The following MROH2B variants were observed in gnomAD, a reference collection of about 807,000 sequenced individuals.
MROH2B encodes the protein maestro heat-like repeat-containing protein family member 2B.
MROH2B carries 177 observed loss-of-function variants against 208.6 expected under a neutral mutation model. The observed-to-expected ratio is 0.85, with a 90% CI of 0.75 to 0.96. The LOEUF is 0.96. Among genes scored for constraint, MROH2B ranks in the 40% least tolerant of loss-of-function variants. MROH2B has a pLI of 0.00. For missense variants in MROH2B, 2,002 were observed against 1,878.7 expected (o/e 1.07, Z -1.21); for synonymous variants, 728 against 659.0 (o/e 1.10, Z -1.60).
intron 24 of MROH2B, among the ~76,000 whole-genome samples, chr5:41,024,944 A>G (rs969064045): frequency 2.0e-5 from 3 of 152,236 alleles, no homozygotes; most frequent in African/African-American, 7.2e-5. Flanking sequence ...TGCTGGGTAC[A>G]TAACGAAATG....
intron 23 of MROH2B, 90 bp from the exon 24 acceptor site, chr5:41,032,911 C>G (rs767937554): frequency 2.0e-5 from 31 of 1,545,120 alleles, no homozygotes; most frequent in Non-Finnish European, 2.7e-5. Context: ...ATTGGGTGCC[C>G]TGGGTCATAA....
At position 41,065,412 on chromosome 5, in the gene MROH2B, C is replaced by T; in HGVS notation, c.280G>A (p.Glu94Lys). ...AAGATCCTGAAGTTACTTTGTACTT[C>T]ATACATCACAGAGTTGAAATCATGT... is the stretch of plus-strand genomic sequence containing the variant. ...AAHDFNSVMY[E>K]VQSNFRILEL... Residue 94 changes from glutamate to lysine, a missense_variant, in exon 4 of 42, where the codon GAA (glutamate) becomes AAA (lysine). Physicochemically the swap from Glu to Lys is moderately conservative, Grantham distance 56. Coordinates refer to ENST00000399564, the MANE Select transcript of MROH2B (RefSeq NM_173489.5). 6.2e-7 allele frequency: 1 copy of T among 1,613,522 alleles called. No individual in the cohort carries two copies. The highest frequency in any genetic ancestry group is 8.5e-7 in the Non-Finnish European group (1 of 1,179,666).
chr5:41,042,092 C>T lies in MROH2B; in HGVS notation c.1953G>A (p.Gln651=). 6.4e-7 allele frequency: 1 copy of T among 1,563,620 alleles called. No individual in the cohort carries two copies. Among genetic ancestry groups the T allele is most frequent in the East Asian group, 2.3e-5 (1 of 43,602 alleles). The change falls in exon 19 of 42, where the codon CAG becomes CAA. Residue 651 remains glutamine, a splice_region_variant and synonymous_variant. Coordinates refer to ENST00000399564, the MANE Select transcript of MROH2B (RefSeq NM_173489.5). ...TAPNQLGDQR[Q]GITSILGYCA... ...GGAAATTGAGAGCAAGGGGTCCCAC[C>T]TGTCTTTGATCCCCCAGTTGGTTGG...
rs770320359 is a variant in MROH2B at position 41,004,490 on chromosome 5, G to A, written c.4050C>T (p.Ile1350=). ...TGCGAGCTAGGTGATACAGGCCTCT[G>A]ATGATAGATTCTAGCATTAACTGCT... ...KHKQLMLESI[I]RGLYHLARTE... is the part of the protein sequence containing the mutation. The change falls in exon 37 of 42, where the codon ATC becomes ATT. Residue 1350 remains isoleucine, a synonymous_variant. Coordinates refer to ENST00000399564, the MANE Select transcript of MROH2B (RefSeq NM_173489.5). 2 of 1,613,018 alleles carry A rather than the reference G, an allele frequency of 1.2e-6. No individual in the cohort carries two copies. Among genetic ancestry groups the A allele is most frequent in the Non-Finnish European group, 1.7e-6 (2 of 1,179,664 alleles).
chr5:41,053,361 T>A (rs1743343226), intron 11 of MROH2B, among the ~76,000 whole-genome samples: 2 of 152,174 alleles, frequency 1.3e-5, no homozygotes, highest in East Asian at 3.9e-4. Context: ...TCTATCAGAG[T>A]AATGTTTTTC....
At chr5:40,998,788 A>C in intron 40 of MROH2B, 111 bp from the exon 41 acceptor site, 1 of 848,926 alleles carries the variant, frequency 1.2e-6, no homozygotes, top group Non-Finnish European at 1.9e-6. Flanking sequence ...TAGGCTGGTG[A>C]ATGAGCAAAC....
At position 41,000,791 on chromosome 5, in the gene MROH2B, C is replaced by T. The variant is rs746575340; in HGVS notation, c.4237G>A (p.Asp1413Asn). 1.6e-5 allele frequency: 26 copies of T among 1,611,540 alleles called. No individual in the cohort carries two copies. Among genetic ancestry groups the T allele is most frequent in the Non-Finnish European group, 2.2e-5 (26 of 1,179,028 alleles). The part of the protein sequence containing the change: ...VRLTAIFLFE[D>N]LAPLTGRRWK... ...CTTCTTCCTGTTAGGGGTGCCAGGT[C>T]CTCAAATAAGAAGATGGCAGTCAAT... The change falls in exon 38 of 42, where the codon GAC (aspartate) becomes AAC (asparagine). Residue 1413 changes from aspartate (D) to asparagine (N), a missense_variant. Coordinates refer to ENST00000399564, the MANE Select transcript of MROH2B (RefSeq NM_173489.5).
At chr5:41,016,498 G>GCT (rs1741953767) in intron 28 of MROH2B, among the ~76,000 whole-genome samples, 1 of 80,778 alleles carries the variant, frequency 1.2e-5, no homozygotes, top group African/African-American at 5.0e-5. Flanking sequence ...CTACTGTAAT[G>GCT]TTTTTTTTTT....
intron 4 of MROH2B, among the ~76,000 whole-genome samples, 158 bp downstream of exon 4, chr5:41,065,173 A>G (rs1402617827): frequency 6.6e-6 from 1 of 152,184 alleles, no homozygotes; most frequent in African/African-American, 2.4e-5. Context: ...AGAATCATCC[A>G]TGCTCATTTT....
At position 41,070,902 on chromosome 5, in the gene MROH2B, T is replaced by C. The variant is rs1419389909; in HGVS notation, c.-50A>G. On this transcript the variant is annotated 5_prime_UTR_variant, in exon 1 of 42. Coordinates refer to ENST00000399564, the MANE Select transcript of MROH2B (RefSeq NM_173489.5). ...AAAGATAGCACCTAAGTATTAGAAA[T>C]AGTAAGGCTAAAAAATCAAAGAGGC... 1 of 1,586,546 alleles carries C rather than the reference T, an allele frequency of 6.3e-7. No homozygotes were observed. Among genetic ancestry groups the C allele is most frequent in the Non-Finnish European group, 8.6e-7 (1 of 1,161,808 alleles).
At chr5:41,034,078 T>A in intron 21 of MROH2B, 2 of 984,748 alleles carry the variant, frequency 2.0e-6, no homozygotes, top group Non-Finnish European at 2.4e-6. Flanking sequence ...TTCCCCCAGG[T>A]AAGTCATGAG....
At chr5:41,004,572 C>A in intron 36 of MROH2B, 44 bp from the exon 37 acceptor site, 1 of 1,576,226 alleles carries the variant, frequency 6.3e-7, no homozygotes, top group South Asian at 1.2e-5. Flanking sequence ...TTGTTCTATG[C>A]GTATCTGGAA....
intron 26 of MROH2B, 63 bp downstream of exon 26, chr5:41,018,628 G>A: frequency 6.4e-7 from 1 of 1,568,524 alleles, no homozygotes; most frequent in South Asian, 1.1e-5. Flanking sequence ...GTAGAGTTTG[G>A]AGTGGACATT....
intron 24 of MROH2B, among the ~76,000 whole-genome samples, chr5:41,030,523 A>G (rs1742529808): frequency 6.6e-6 from 1 of 152,154 alleles, no homozygotes; most frequent in South Asian, 2.1e-4. Flanking sequence ...GGAAGAATCA[A>G]TGTTGTGAAA....
chr5:41,017,801 G>A, intron 28 of MROH2B, 49 bp downstream of exon 28: 1 of 1,536,206 alleles, frequency 6.5e-7, no homozygotes, highest in Non-Finnish European at 8.8e-7. Flanking sequence ...GAGAATAAAA[G>A]AAGATGGGTT....
At chr5:41,042,445 C>A (rs1249291397) in intron 18 of MROH2B, among the ~76,000 whole-genome samples, 2 of 152,070 alleles carry the variant, frequency 1.3e-5, no homozygotes, top group Non-Finnish European at 2.9e-5. Flanking sequence ...TACTTCACCC[C>A]CCATTGTAAT....
At chr5:41,049,457 T>C (rs533088089) in intron 13 of MROH2B, 21 bp from the exon 14 acceptor site, 1 of 1,598,374 alleles carries the variant, frequency 6.3e-7, no homozygotes, top group South Asian at 1.1e-5. Flanking sequence ...CAGGGCATGA[T>C]GCAAGGATTG....
chr5:41,003,064 G>A (rs776532172), intron 37 of MROH2B, among the ~76,000 whole-genome samples: 1 of 151,040 alleles, frequency 6.6e-6, no homozygotes, highest in African/African-American at 2.4e-5. Flanking sequence ...GTGTTCAAGC[G>A]ATTATCCTGT....
intron 2 of MROH2B, 129 bp from the exon 3 acceptor site, chr5:41,067,347 G>T (rs985781880): frequency 8.5e-6 from 5 of 591,300 alleles, no homozygotes; most frequent in African/African-American, 7.7e-5. Flanking sequence ...CATATTATAT[G>T]TCTTAATTGA....
Sources: gnomAD v4.1 joint callset for allele counts (sites outside exome capture counted in the v4.1 genomes callset) on GRCh38, gnomAD v4.1.1 for gene constraint, MANE v1.5 for transcripts, NCBI Gene and HGNC (gene_info 2026-07-23, HGNC 2026-07-21) for gene names.